RNF212B: variants seen among roughly 807,000 people sequenced by gnomAD.
The protein encoded by RNF212B is ring finger protein 212B.
In RNF212B, 52 loss-of-function variants were observed where a neutral mutation model predicts 55.5. The ratio of observed to expected loss-of-function variants is 0.94; its 90% CI spans 0.75 to 1.18. The LOEUF is 1.18. Ranked by LOEUF, RNF212B falls within the 50% of genes most tolerant of loss-of-function variation. The pLI is 0.00. For synonymous variants in RNF212B, 99 were observed against 121.4 expected, an observed-to-expected ratio of 0.82 and a Z score of 1.21; for missense variants, 289 against 350.4, an observed-to-expected ratio of 0.82 and a Z score of 1.40.
chr14:23,194,770 A>T (rs1248827795), intron 2 of RNF212B, among the ~76,000 whole-genome samples: 1 of 149,322 alleles, frequency 6.7e-6, no homozygotes, highest in Non-Finnish European at 1.5e-5. Flanking sequence ...ACGCTGCTGT[A>T]TCAAACAGGC....
rs1487003156 is a variant in RNF212B at position 23,269,868 on chromosome 14, C to A, written c.680C>A (p.Ser227Ter). The A allele has an allele frequency of 6.5e-7, 1 of 1,536,994 alleles. No homozygotes were observed. The highest frequency in any genetic ancestry group is 8.8e-7 in the Non-Finnish European group (1 of 1,134,804). The change falls in exon 13 of 15, where the codon TCA becomes TAA. Residue 227 changes from serine (S) to a stop codon, truncating the protein, a stop_gained. Coordinates refer to ENST00000430154, the MANE Select transcript of RNF212B (RefSeq NM_001282322.3). LOFTEE classifies it high-confidence loss of function. ...ASTHSLSYRT[S>*]SASSGQGIFS... is the part of the protein sequence containing the mutation. ...CTTTTATTTGCTTTCCTTAGAACTT[C>A]ATCTGCCTCCTCTGGACAGGGGATT... is the stretch of plus-strand genomic sequence containing the variant.
chr14:23,208,030 G>A (rs1410665529), intron 2 of RNF212B, among the ~76,000 whole-genome samples: 2 of 152,198 alleles, frequency 1.3e-5, no homozygotes, highest in African/African-American at 4.8e-5. Flanking sequence ...ATATCAGTGA[G>A]TACAGGGGTG....
At chr14:23,209,176 A>G (rs1009329281) in intron 2 of RNF212B, among the ~76,000 whole-genome samples, 2 of 152,114 alleles carry the variant, frequency 1.3e-5, no homozygotes, top group African/African-American at 2.4e-5. Flanking sequence ...GCATTTGTAA[A>G]CTGTCATGGT....
chr14:23,231,053 G>A (rs901767622), intron 2 of RNF212B, among the ~76,000 whole-genome samples: 1 of 152,142 alleles, frequency 6.6e-6, no homozygotes, highest in African/African-American at 2.4e-5. Flanking sequence ...TGGGCAATAT[G>A]AGTCTTCCAA....
chr14:23,213,033 C>T (rs1416537801), intron 2 of RNF212B, among the ~76,000 whole-genome samples: 1 of 151,870 alleles, frequency 6.6e-6, no homozygotes, highest in Non-Finnish European at 1.5e-5. Flanking sequence ...ATAACACAGG[C>T]CGGGCATGGT....
intron 4 of RNF212B, among the ~76,000 whole-genome samples, chr14:23,244,847 T>C (rs998895560): frequency 6.6e-6 from 1 of 152,224 alleles, no homozygotes; most frequent in African/African-American, 2.4e-5. Flanking sequence ...ATAACCTTTT[T>C]AGTAATACTT....
At chr14:23,200,430 A>G (rs1393117511) in intron 2 of RNF212B, among the ~76,000 whole-genome samples, 1 of 151,990 alleles carries the variant, frequency 6.6e-6, no homozygotes, top group Non-Finnish European at 1.5e-5. Flanking sequence ...GGATCAAGCA[A>G]TTCTCATGCC....
chr14:23,188,266 T>C (rs1188495834), intron 1 of RNF212B: 3 of 152,170 alleles, frequency 2.0e-5, no homozygotes, highest in Non-Finnish European at 4.4e-5. Flanking sequence ...CCAGCACTAG[T>C]GGGAAAGAAA....
At chr14:23,230,640 C>T (rs949504498) in intron 2 of RNF212B, among the ~76,000 whole-genome samples, 4 of 108,924 alleles carry the variant, frequency 3.7e-5, no homozygotes, top group East Asian at 2.8e-4. Context: ...GACGACAGAG[C>T]GAGACTCCAT....
chr14:23,270,006 C>G (rs1451188491), intron 13 of RNF212B, 46 bp downstream of exon 13: 1 of 999,002 alleles, frequency 1.0e-6, no homozygotes, highest in Non-Finnish European at 1.5e-6. Flanking sequence ...CAACTATAGA[C>G]ACATATACTA....
intron 2 of RNF212B, among the ~76,000 whole-genome samples, chr14:23,223,577 G>C (rs12892123): frequency 0.16 from 24,699 of 151,950 alleles, 2,039 homozygotes; most frequent in Non-Finnish European, 0.18. Context: ...GGATGGTCTC[G>C]ATCTCCTGAC....
At chr14:23,232,295 A>G (rs1241200927) in intron 2 of RNF212B, among the ~76,000 whole-genome samples, 2 of 145,910 alleles carry the variant, frequency 1.4e-5, no homozygotes, top group African/African-American at 2.6e-5. Flanking sequence ...CCCGGCCGCA[A>G]CCCCATCTGG....
intron 2 of RNF212B, among the ~76,000 whole-genome samples, chr14:23,229,178 GC>G (rs1882301932): frequency 7.5e-6 from 1 of 133,956 alleles, no homozygotes; most frequent in South Asian, 2.4e-4. Flanking sequence ...CCATGTTGTA[GC>G]ATGTATCAAA....
chr14:23,261,043 G>T (rs1885259783), intron 7 of RNF212B, among the ~76,000 whole-genome samples: 1 of 152,152 alleles, frequency 6.6e-6, no homozygotes, highest in Admixed American at 6.5e-5. Context: ...AGACAGGGTC[G>T]TTCATAACCT....
In RNF212B at chr14:23,264,612, T is replaced by A. The variant is rs1885540659; in HGVS notation, c.586-11T>A. 3 of 1,337,554 alleles carry A rather than the reference T, an allele frequency of 2.2e-6. No individual in the cohort carries two copies. The Admixed American group carries it at 1.0e-4, about 46-fold the overall frequency. The allele number at this position is 1,337,554 out of a possible 1,614,324, so 82.9% of individuals were successfully genotyped here. On this transcript the variant is annotated splice_polypyrimidine_tract_variant and intron_variant, in intron 10 of 14. Coordinates refer to ENST00000430154, the MANE Select transcript of RNF212B (RefSeq NM_001282322.3). Reference sequence around the variant, plus strand: ...ATATTTATTAATTGATGCTTATTATTTGTCTATCAGGGAGGCAGAGGTCTG... The same window carrying A: ...ATATTTATTAATTGATGCTTATTATATGTCTATCAGGGAGGCAGAGGTCTG...
At chr14:23,191,649 G>A (rs952186632) in intron 1 of RNF212B, among the ~76,000 whole-genome samples, 3 of 152,116 alleles carry the variant, frequency 2.0e-5, no homozygotes, top group Non-Finnish European at 4.4e-5. Flanking sequence ...AGAATAGAGG[G>A]AAGGATAGGT....
chr14:23,262,841 C>A, intron 8 of RNF212B, 87 bp from the exon 9 acceptor site: 1 of 1,449,200 alleles, frequency 6.9e-7, no homozygotes, highest in Non-Finnish European at 9.5e-7. Flanking sequence ...CATTATATAA[C>A]CAGATAACCA....
At chr14:23,189,712 C>T (rs1444191995) in intron 1 of RNF212B, among the ~76,000 whole-genome samples, 8 of 151,898 alleles carry the variant, frequency 5.3e-5, no homozygotes, top group Non-Finnish European at 7.4e-5. Context: ...AGGAGGCTGA[C>T]GTAGGAGGAT....
At chr14:23,219,702 C>T (rs553423140) in intron 2 of RNF212B, among the ~76,000 whole-genome samples, 1 of 152,090 alleles carries the variant, frequency 6.6e-6, no homozygotes, top group Non-Finnish European at 1.5e-5. Context: ...AAACTGCCGA[C>T]CTCAGGTGAT....
Sources: allele counts gnomAD v4.1 joint callset (sites outside exome capture counted in the v4.1 genomes callset), GRCh38; gene constraint gnomAD v4.1.1; transcripts MANE v1.5; gene names NCBI Gene and HGNC (gene_info 2026-07-23, HGNC 2026-07-21).